The following PAH variants were observed in gnomAD, a reference collection of about 807,000 sequenced individuals.
PAH encodes the protein phenylalanine-4-hydroxylase.
In PAH, 64 loss-of-function variants were observed where a neutral mutation model predicts 62.0. The observed-to-expected ratio is 1.03, with a 90% CI of 0.84 to 1.27. The LOEUF is 1.27. PAH is among the 50% of genes most tolerant of loss of function. The pLI is 0.00. For synonymous variants in PAH, 195 were observed against 196.2 expected, an observed-to-expected ratio of 0.99 and a Z score of 0.05; for missense variants, 579 against 542.8, an observed-to-expected ratio of 1.07 and a Z score of -0.66.
chr12:102,880,455 G>A (rs1395991453), intron 3 of PAH, among the ~76,000 whole-genome samples: 3 of 152,054 alleles, frequency 2.0e-5, no homozygotes, highest in Non-Finnish European at 4.4e-5. Context: ...TCTATGTTCA[G>A]GACCATGGAT....
Position 102,870,116 on chromosome 12 carries a change from C to A in PAH, c.442-3453G>T, listed in dbSNP as rs567335313. 4.6e-5 allele frequency among the ~76,000 whole-genome samples: 7 copies of A among 152,142 alleles called. No individual in the cohort carries two copies. The South Asian group carries it at 1.2e-3, about 27-fold the overall frequency. ...TGCAAGTCATGACATCAACTGAAGT[C>A]TGCATGTATTGAGAGGTATAATTTG... On this transcript the variant is annotated intron_variant, in intron 4 of 12. Transcript: ENST00000553106.
At chr12:102,891,299 C>G (rs1448670103) in intron 3 of PAH, among the ~76,000 whole-genome samples, 1 of 152,082 alleles carries the variant, frequency 6.6e-6, no homozygotes, top group Non-Finnish European at 1.5e-5. Context: ...GTGCCCGGCA[C>G]AGAGCTGCTC....
intron 3 of PAH, among the ~76,000 whole-genome samples, chr12:102,883,121 C>A (rs1010114686): frequency 1.3e-5 from 2 of 152,102 alleles, no homozygotes; most frequent in African/African-American, 4.8e-5. Context: ...GCGCAGCAAA[C>A]CCTTTTGAGT....
chr12:102,909,192 G>A (rs1021124709), intron 2 of PAH, among the ~76,000 whole-genome samples: 3 of 152,074 alleles, frequency 2.0e-5, no homozygotes, highest in African/African-American at 7.2e-5. Context: ...ACTTGTTTTT[G>A]ATGACCCTGA....
At chr12:102,920,505 GTTC>G (rs1878524498), upstream of PAH, among the ~76,000 whole-genome samples, 1 of 152,168 alleles carries the variant, frequency 6.6e-6, no homozygotes. Flanking sequence ...AGGTTTATCA[GTTC>G]TTTCTTGTTT....
In PAH at chr12:102,842,167, G is replaced by A. The variant is rs148247743; in HGVS notation, c.1199+1479C>T. 2.7e-3 allele frequency among the ~76,000 whole-genome samples: 407 copies of A among 152,236 alleles called. 3 individuals are homozygous for A. Among genetic ancestry groups the A allele is most frequent in the African/African-American group, 9.2e-3 (381 of 41,542 alleles). On this transcript the variant is annotated intron_variant, in intron 11 of 12. Coordinates refer to ENST00000553106, the MANE Select transcript of PAH (RefSeq NM_000277.3). ...CTGGTTAGAGAGTTGTCTCCAGGAGGGCCCATCCAAATGTGATCTTGGCAT... is the reference window on the plus strand; with the variant it reads ...CTGGTTAGAGAGTTGTCTCCAGGAGAGCCCATCCAAATGTGATCTTGGCAT...
intron 4 of PAH, among the ~76,000 whole-genome samples, chr12:102,871,934 AAAAAAAAAAAAAAAAAT>A (rs1235407154): frequency 4.7e-4 from 51 of 108,500 alleles, no homozygotes; most frequent in Admixed American, 3.3e-3. Flanking sequence ...AAAAAAAAAA[AAAAAAAAAAAAAAAAAT>A]ATATATATAT....
At chr12:102,936,871 G>T (rs962671637) in intron 1 of PAH, among the ~76,000 whole-genome samples, 1 of 152,030 alleles carries the variant, frequency 6.6e-6, no homozygotes. Context: ...GATATGGTTT[G>T]GCTGAGTCCC....
intron 1 of PAH, among the ~76,000 whole-genome samples, chr12:102,922,324 G>A (rs1222300278): frequency 6.6e-6 from 1 of 151,348 alleles, no homozygotes; most frequent in African/African-American, 2.4e-5. Context: ...ATCCTTAGTA[G>A]CTGGGTCTAC....
chr12:102,888,785 C>G lies in PAH; in HGVS notation c.352+5950G>C, dbSNP rs551365269. Reference sequence around the variant, plus strand: ...CAGCTGCCAGGACTTAGTGCTACATCAGTGCATCCAGCAAGCATCCAGGTA... The same window carrying G: ...CAGCTGCCAGGACTTAGTGCTACATGAGTGCATCCAGCAAGCATCCAGGTA... On this transcript the variant is annotated intron_variant, in intron 3 of 12. Transcript: ENST00000553106. 2.0e-5 allele frequency among the ~76,000 whole-genome samples: 3 copies of G among 151,992 alleles called. No homozygotes were observed. The South Asian group carries it at 6.3e-4, about 32-fold the overall frequency.
At chr12:102,947,793 A>G (rs1264976730) in intron 1 of PAH, among the ~76,000 whole-genome samples, 1 of 152,226 alleles carries the variant, frequency 6.6e-6, no homozygotes, top group Non-Finnish European at 1.5e-5. Context: ...GTAGATGGAC[A>G]TGTATTTCAA....
At chr12:102,870,092 G>A (rs1014613262) in intron 4 of PAH, among the ~76,000 whole-genome samples, 1 of 152,154 alleles carries the variant, frequency 6.6e-6, no homozygotes, top group African/African-American at 2.4e-5. Flanking sequence ...TCTACAGGAT[G>A]CAAGTCATGA....
intron 3 of PAH, among the ~76,000 whole-genome samples, chr12:102,885,786 C>T (rs529430348): frequency 6.6e-6 from 1 of 152,298 alleles, no homozygotes; most frequent in African/African-American, 2.4e-5. Context: ...TAGCCCCTCC[C>T]TCCACCCGAT....
intron 1 of PAH, among the ~76,000 whole-genome samples, chr12:102,937,151 G>A (rs1017399039): frequency 1.8e-4 from 28 of 152,296 alleles, no homozygotes; most frequent in African/African-American, 6.5e-4. Context: ...AGAACTGTGA[G>A]TCAATTAAAT....
At chr12:102,891,544 A>G (rs1309625324) in intron 3 of PAH, among the ~76,000 whole-genome samples, 2 of 152,126 alleles carry the variant, frequency 1.3e-5, no homozygotes, top group African/African-American at 4.8e-5. Context: ...ATAGAGAATA[A>G]CTTTAAGTCC....
At chr12:102,861,541 T>C (rs1240299469) in intron 5 of PAH, among the ~76,000 whole-genome samples, 2 of 152,216 alleles carry the variant, frequency 1.3e-5, no homozygotes, top group South Asian at 2.1e-4. Flanking sequence ...CATATGTTTA[T>C]TGCAGCACTA....
chr12:102,894,950 A>G (rs770947138), intron 2 of PAH, 32 bp from the exon 3 acceptor site: 1 of 1,559,718 alleles, frequency 6.4e-7, no homozygotes, highest in South Asian at 1.1e-5. Flanking sequence ...GTGAGGAGAC[A>G]GTCACTGGAA....
intron 1 of PAH, among the ~76,000 whole-genome samples, chr12:102,937,734 A>G (rs61943182): frequency 0.45 from 68,683 of 151,970 alleles, 17,943 homozygotes; most frequent in African/African-American, 0.72. Context: ...ATTATATTAC[A>G]TTTTTCTCTG....
At position 102,843,756 on chromosome 12, in the gene PAH, C is replaced by G. The variant is rs63329263; in HGVS notation, c.1089G>C (p.Lys363Asn). The change falls in exon 11 of 13, where the codon AAG (lysine) becomes AAC (asparagine). Residue 363 changes from lysine to asparagine, a missense_variant. Physicochemically the swap from Lys to Asn is moderately conservative, Grantham distance 94 (BLOSUM62 0). Transcript: ENST00000553106. ...ELQYCLSEKP[K>N]LLPLELEKTA... is the part of the protein sequence containing the mutation. ...TCTTCTCCAGCTCCAGGGGGAGAAGCTTTGGCTTCTCTGATAAGCAGTACT... is the reference window on the plus strand; with the variant it reads ...TCTTCTCCAGCTCCAGGGGGAGAAGGTTTGGCTTCTCTGATAAGCAGTACT... 7 of 1,613,818 alleles carry G rather than the reference C, an allele frequency of 4.3e-6. No individual in the cohort carries two copies. Among genetic ancestry groups the G allele is most frequent in the Non-Finnish European group, 5.9e-6 (7 of 1,179,828 alleles).
Sources: gnomAD v4.1 joint callset for allele counts (sites outside exome capture counted in the v4.1 genomes callset) on GRCh38, gnomAD v4.1.1 for gene constraint, MANE v1.5 for transcripts, NCBI Gene and HGNC (gene_info 2026-07-23, HGNC 2026-07-21) for gene names.